Variants in WWC2 observed in about 807,000 individuals in gnomAD.
WWC2 encodes the protein protein WWC2.
Under a neutral mutation model 138.5 loss-of-function variants are expected in WWC2, and 101 were observed. That is an observed-to-expected ratio of 0.73 (90% CI 0.62 to 0.86). The LOEUF (loss-of-function observed/expected upper bound fraction) is 0.86. Ranked by LOEUF, WWC2 falls within the 40% of genes least tolerant of loss-of-function variation. WWC2 has a pLI of 0.00. For synonymous variants in WWC2, 558 were observed against 538.4 expected, an observed-to-expected ratio of 1.04 and a Z score of -0.50; for missense variants, 1,420 against 1,419.4, an observed-to-expected ratio of 1.00 and a Z score of -0.01.
chr4:183,305,441 A>G (rs1738993687), intron 21 of WWC2, among the ~76,000 whole-genome samples: 1 of 152,168 alleles, frequency 6.6e-6, no homozygotes, highest in Non-Finnish European at 1.5e-5. Context: ...ACACACACAC[A>G]CACAGAACAT....
chr4:183,289,817 G>A (rs1383750083), intron 21 of WWC2, among the ~76,000 whole-genome samples, 182 bp downstream of exon 21: 1 of 146,010 alleles, frequency 6.8e-6, no homozygotes, highest in Non-Finnish European at 1.5e-5. Context: ...AACCAAAAAT[G>A]TTGAAGGAAC....
chr4:183,306,881 CAAAA>C (rs55750701), intron 21 of WWC2, among the ~76,000 whole-genome samples: 2 of 85,122 alleles, frequency 2.3e-5, no homozygotes, highest in South Asian at 4.6e-4. Flanking sequence ...ATATATGAGG[CAAAA>C]AAAAAAAAAA....
chr4:183,143,730 C>T (rs565627898), intron 1 of WWC2, among the ~76,000 whole-genome samples: 1 of 152,040 alleles, frequency 6.6e-6, no homozygotes, highest in African/African-American at 2.4e-5. Context: ...ATCGCTTGAG[C>T]CCAGGAGGCA....
chr4:183,146,983 A>G (rs919097228), intron 1 of WWC2, among the ~76,000 whole-genome samples: 1 of 152,164 alleles, frequency 6.6e-6, no homozygotes, highest in Non-Finnish European at 1.5e-5. Context: ...ACACTTGGAA[A>G]CACTTGGAAA....
At chr4:183,238,304 T>A in intron 4 of WWC2, among the ~76,000 whole-genome samples, 1 of 152,304 alleles carries the variant, frequency 6.6e-6, no homozygotes, top group African/African-American at 2.4e-5. Context: ...GTCCTGTTGA[T>A]TCTGCCTCTG....
In WWC2 at chr4:183,240,278, C is replaced by T; in HGVS notation, c.602+16C>T. The T allele has an allele frequency of 6.5e-7, 1 of 1,535,786 alleles. No homozygotes were observed. Among genetic ancestry groups the T allele is most frequent in the East Asian group, 2.5e-5 (1 of 40,708 alleles). The stretch of plus-strand genomic sequence containing the variant: ...CATTGCAGCAGTGAGTATGAAAAGA[C>T]TGAATCAACTTTAGAATAAGCTCCC... On this transcript the variant is annotated intron_variant, in intron 5 of 22. Transcript: ENST00000403733.
intron 21 of WWC2, among the ~76,000 whole-genome samples, chr4:183,308,601 C>G (rs1739101366): frequency 6.6e-6 from 1 of 152,136 alleles, no homozygotes. Context: ...GGGATTGGTT[C>G]CAGGACTCCC....
At chr4:183,115,009 A>C (rs1732365762) in intron 1 of WWC2, among the ~76,000 whole-genome samples, 1 of 151,864 alleles carries the variant, frequency 6.6e-6, no homozygotes, top group East Asian at 1.9e-4. Context: ...TAGTTTTTTG[A>C]TCTTCACCCT....
At chr4:183,207,816 C>T in intron 2 of WWC2, 137 bp from the exon 3 acceptor site, 1 of 718,492 alleles carries the variant, frequency 1.4e-6, no homozygotes, top group South Asian at 2.7e-5. Context: ...ACTAAAATTT[C>T]TGGAGAAGTC....
At chr4:183,185,233 C>T (rs752194707) in intron 1 of WWC2, among the ~76,000 whole-genome samples, 5 of 152,180 alleles carry the variant, frequency 3.3e-5, no homozygotes, top group Non-Finnish European at 5.9e-5. Flanking sequence ...GTTTCAGAAC[C>T]GCTACTGTAA....
At chr4:183,279,958 G>A (rs1483902496) in intron 16 of WWC2, among the ~76,000 whole-genome samples, 1 of 151,938 alleles carries the variant, frequency 6.6e-6, no homozygotes, top group Admixed American at 6.6e-5. Context: ...TTCTCTCAAT[G>A]CCTTTAGTGT....
At chr4:183,121,911 G>A (rs1732611279) in intron 1 of WWC2, among the ~76,000 whole-genome samples, 1 of 150,838 alleles carries the variant, frequency 6.6e-6, no homozygotes, top group Non-Finnish European at 1.5e-5. Context: ...TCAGCTTCCC[G>A]AGTAGCTGGG....
At position 183,297,572 on chromosome 4, in the gene WWC2, G is replaced by C. The variant is rs551857402; in HGVS notation, c.3384+7937G>C. Among the ~76,000 whole-genome samples, 6 of 152,018 alleles carry C rather than the reference G, an allele frequency of 3.9e-5. No individual in the cohort carries two copies. The East Asian group carries it at 1.2e-3, about 30-fold the overall frequency. On this transcript the variant is annotated intron_variant, in intron 21 of 22. Transcript: ENST00000403733. ...CTACAGGCGCGCACCACCACTCCCGGCTAATTTTTTTATATTTAGTAGAGA... is the reference window on the plus strand; with the variant it reads ...CTACAGGCGCGCACCACCACTCCCGCCTAATTTTTTTATATTTAGTAGAGA...
intron 9 of WWC2, among the ~76,000 whole-genome samples, chr4:183,256,904 G>A (rs867314360): frequency 4.1e-5 from 2 of 48,676 alleles, no homozygotes; most frequent in Non-Finnish European, 8.3e-5. Flanking sequence ...CCCCCCCCCC[G>A]GCTCTGTTCC....
At chr4:183,183,202 G>T (rs1734688651) in intron 1 of WWC2, among the ~76,000 whole-genome samples, 1 of 152,062 alleles carries the variant, frequency 6.6e-6, no homozygotes, top group South Asian at 2.1e-4. Context: ...TAAGTTCTGG[G>T]GTACGTGTGC....
intron 1 of WWC2, among the ~76,000 whole-genome samples, chr4:183,145,234 C>T (rs1285477004): frequency 1.3e-5 from 2 of 152,114 alleles, no homozygotes. Context: ...TCATTTGTAA[C>T]ATTTAGAATA....
chr4:183,106,462 TACAC>T (rs1479265249), intron 1 of WWC2, among the ~76,000 whole-genome samples: 1 of 152,224 alleles, frequency 6.6e-6, no homozygotes, highest in African/African-American at 2.4e-5. Flanking sequence ...TTTTGAAGAC[TACAC>T]CTTAGTAGTT....
intron 16 of WWC2, among the ~76,000 whole-genome samples, chr4:183,272,418 T>A (rs766722732): frequency 2.0e-4 from 30 of 152,248 alleles, no homozygotes; most frequent in Admixed American, 9.8e-4. Flanking sequence ...TATTACAATA[T>A]AATTCATACA....
chr4:183,267,639 C>T (rs1221722865), intron 14 of WWC2, among the ~76,000 whole-genome samples: 1 of 152,236 alleles, frequency 6.6e-6, no homozygotes, highest in Non-Finnish European at 1.5e-5. Context: ...CACAGTCATT[C>T]TCACTTACCT....
Sources: allele counts gnomAD v4.1 joint callset (sites outside exome capture counted in the v4.1 genomes callset), GRCh38; gene constraint gnomAD v4.1.1; transcripts MANE v1.5; gene names NCBI Gene and HGNC (gene_info 2026-07-23, HGNC 2026-07-21).